The following SPMIP9 variants were observed in gnomAD, a reference collection of about 807,000 sequenced individuals.
SPMIP9 encodes sperm microtubule inner protein 9.
chr2:88,525,515 A>C, the SPMIP9 span: 1 of 982,596 alleles, frequency 1.0e-6, no homozygotes, highest in Non-Finnish European at 1.6e-6. Context: ...AGCCCAGGGA[A>C]GATGGGGAGG....
the SPMIP9 span, chr2:88,526,302 C>G: frequency 1.1e-6 from 1 of 877,658 alleles, no homozygotes; most frequent in Non-Finnish European, 1.9e-6. Context: ...ATGTCAGGCC[C>G]CAAAGTCGGC....
At chr2:88,526,754 G>A in the SPMIP9 span, among the ~76,000 whole-genome samples, 1 of 151,714 alleles carries the variant, frequency 6.6e-6, no homozygotes, top group African/African-American at 2.4e-5. Flanking sequence ...AACCTCTGCC[G>A]CCTGCCTGGA....
At chr2:88,526,416 T>C in the SPMIP9 span, 1 of 1,613,512 alleles carries the variant, frequency 6.2e-7, no homozygotes, top group Middle Eastern at 1.7e-4. Flanking sequence ...ACCCTGTGGA[T>C]TTAGACATAT....
At chr2:88,526,934 A>G in the SPMIP9 span, among the ~76,000 whole-genome samples, 3 of 152,122 alleles carry the variant, frequency 2.0e-5, no homozygotes, top group Non-Finnish European at 2.9e-5. Context: ...CCAAAGTGCT[A>G]GAATTACAGG....
the SPMIP9 span, chr2:88,526,428 C>T: frequency 6.2e-5 from 100 of 1,613,798 alleles, no homozygotes; most frequent in Non-Finnish European, 7.8e-5. Flanking sequence ...TAGACATATA[C>T]CAAAGCTCCC....
chr2:88,527,755 C>T, the SPMIP9 span, among the ~76,000 whole-genome samples: 3 of 152,166 alleles, frequency 2.0e-5, no homozygotes, highest in Non-Finnish European at 4.4e-5. Flanking sequence ...AAGTCACATC[C>T]TAATGTTCAA....
At chr2:88,526,658 G>A in the SPMIP9 span, among the ~76,000 whole-genome samples, 1 of 149,008 alleles carries the variant, frequency 6.7e-6, no homozygotes, top group East Asian at 2.0e-4. Context: ...GTGCATGTAT[G>A]TGTGTGTATT....
chr2:88,525,730 G>A, the SPMIP9 span: 1 of 1,572,392 alleles, frequency 6.4e-7, no homozygotes. Flanking sequence ...GCCTCAGCAA[G>A]GCCCTGGAAG....
At chr2:88,526,421 A>G in the SPMIP9 span, 1 of 1,613,730 alleles carries the variant, frequency 6.2e-7, no homozygotes, top group Non-Finnish European at 8.5e-7. Flanking sequence ...GTGGATTTAG[A>G]CATATACCAA....
chr2:88,529,106 A>C, the SPMIP9 span: 1 of 1,614,094 alleles, frequency 6.2e-7, no homozygotes, highest in Non-Finnish European at 8.5e-7. Context: ...GCCCATCCCT[A>C]ACCCCAACCC....
chr2:88,527,256 A>T, the SPMIP9 span, among the ~76,000 whole-genome samples: 2 of 152,016 alleles, frequency 1.3e-5, no homozygotes, highest in African/African-American at 4.8e-5. Context: ...AGTTGAGACC[A>T]GGGGTTTGAG....
At chr2:88,524,995 C>T in the SPMIP9 span, among the ~76,000 whole-genome samples, 15 of 152,236 alleles carry the variant, frequency 9.9e-5, no homozygotes, top group Admixed American at 9.2e-4. Flanking sequence ...CAGTGTTAGG[C>T]CTACAAACTA....
At chr2:88,525,724 C>T in the SPMIP9 span, 1 of 1,598,924 alleles carries the variant, frequency 6.3e-7, no homozygotes, top group East Asian at 2.2e-5. Flanking sequence ...TGGGTAGCCT[C>T]AGCAAGGCCC....
the SPMIP9 span, among the ~76,000 whole-genome samples, chr2:88,526,878 G>A: frequency 1.3e-5 from 2 of 152,086 alleles, no homozygotes; most frequent in African/African-American, 4.8e-5. Context: ...ATCCTGGCCA[G>A]GCTGATCTTG....
the SPMIP9 span, chr2:88,529,131 G>C: frequency 1.2e-6 from 2 of 1,613,980 alleles, no homozygotes; most frequent in African/African-American, 2.7e-5. Context: ...CTAACAGATG[G>C]GTACCCTGCT....
At chr2:88,529,122 T>C in the SPMIP9 span, 18 of 1,613,896 alleles carry the variant, frequency 1.1e-5, no homozygotes, top group Non-Finnish European at 1.5e-5. Context: ...AACCCCAAGC[T>C]AACAGATGGG....
At chr2:88,529,251 A>G in the SPMIP9 span, 3 of 1,614,110 alleles carry the variant, frequency 1.9e-6, no homozygotes, top group Middle Eastern at 1.6e-4. Flanking sequence ...AGCACCTGCC[A>G]TTTCACATAT....
the SPMIP9 span, among the ~76,000 whole-genome samples, chr2:88,527,366 C>T: frequency 1.7e-3 from 258 of 152,096 alleles, 1 homozygote; most frequent in South Asian, 6.0e-3. Flanking sequence ...TGTTGGTGCA[C>T]GCTTGTATTT....
the SPMIP9 span, among the ~76,000 whole-genome samples, chr2:88,528,650 CAA>C: frequency 6.6e-6 from 1 of 152,088 alleles, no homozygotes; most frequent in African/African-American, 2.4e-5. Context: ...TCTAAACAAA[CAA>C]AGATGGATCA....
Sources: gnomAD v4.1 joint callset for allele counts (sites outside exome capture counted in the v4.1 genomes callset) on GRCh38, gnomAD v4.1.1 for gene constraint, MANE v1.5 for transcripts, NCBI Gene and HGNC (gene_info 2026-07-23, HGNC 2026-07-21) for gene names.